The following RPSA2 variants were observed in gnomAD, a reference collection of about 807,000 sequenced individuals.
RPSA2 encodes small ribosomal subunit protein uS2B.
At chr19:23,777,614 C>T in the RPSA2 span, among the ~76,000 whole-genome samples, 1 of 7,938 alleles carries the variant, frequency 1.3e-4, no homozygotes, top group African/African-American at 1.6e-4. Flanking sequence ...GTTTTATTAC[C>T]TAGAAAGATG....
At chr19:23,795,623 G>T in the RPSA2 span, among the ~76,000 whole-genome samples, 1 of 151,892 alleles carries the variant, frequency 6.6e-6, no homozygotes, top group African/African-American at 2.4e-5. Flanking sequence ...TGCAAAAAGG[G>T]ATAGCTTGAC....
chr19:23,814,173 C>T, the RPSA2 span, among the ~76,000 whole-genome samples: 18 of 149,004 alleles, frequency 1.2e-4, no homozygotes, highest in Admixed American at 6.7e-5. Flanking sequence ...GACCATGCCA[C>T]TGCATTCCAG....
At chr19:23,839,680 T>G in the RPSA2 span, among the ~76,000 whole-genome samples, 17 of 152,342 alleles carry the variant, frequency 1.1e-4, no homozygotes, top group African/African-American at 4.1e-4. Flanking sequence ...CTTCTCCCCT[T>G]GGAGTTTTAC....
At chr19:23,765,782 AT>A in the RPSA2 span, among the ~76,000 whole-genome samples, 1 of 152,218 alleles carries the variant, frequency 6.6e-6, no homozygotes, top group Non-Finnish European at 1.5e-5. Flanking sequence ...AGTTAAAAAA[AT>A]AATTTGTTAG....
chr19:23,836,180 T>C, the RPSA2 span, among the ~76,000 whole-genome samples: 2 of 152,116 alleles, frequency 1.3e-5, no homozygotes, highest in African/African-American at 4.8e-5. Flanking sequence ...CCAAAGTCCA[T>C]TGTATTATTC....
chr19:23,826,860 AT>A, the RPSA2 span, among the ~76,000 whole-genome samples: 19 of 114,220 alleles, frequency 1.7e-4, no homozygotes, highest in East Asian at 1.1e-3. Context: ...TAATTTTTGT[AT>A]TTTTTTTTTC....
the RPSA2 span, among the ~76,000 whole-genome samples, chr19:23,858,394 C>T: frequency 6.6e-6 from 1 of 152,090 alleles, no homozygotes; most frequent in Non-Finnish European, 1.5e-5. Flanking sequence ...GTACCCAACA[C>T]ATTTGTATAG....
At chr19:23,801,938 A>G in the RPSA2 span, among the ~76,000 whole-genome samples, 2 of 152,086 alleles carry the variant, frequency 1.3e-5, no homozygotes, top group African/African-American at 4.8e-5. Flanking sequence ...CTGTGAGTAG[A>G]TTTCTCCTTT....
chr19:23,822,098 T>C, the RPSA2 span, among the ~76,000 whole-genome samples: 1 of 152,214 alleles, frequency 6.6e-6, no homozygotes, highest in Non-Finnish European at 1.5e-5. Flanking sequence ...AAAACTAAAA[T>C]GCCTCACAGA....
chr19:23,830,051 G>GTTTTTT, the RPSA2 span, among the ~76,000 whole-genome samples: 1 of 148,268 alleles, frequency 6.7e-6, no homozygotes. Flanking sequence ...ACTTTGGAAG[G>GTTTTTT]TTTTTTTTTT....
At chr19:23,863,642 A>G in the RPSA2 span, among the ~76,000 whole-genome samples, 1 of 151,558 alleles carries the variant, frequency 6.6e-6, no homozygotes, top group Non-Finnish European at 1.5e-5. Flanking sequence ...GGTGTATAGG[A>G]CTTGATTTCT....
the RPSA2 span, among the ~76,000 whole-genome samples, chr19:23,836,057 G>A: frequency 6.6e-6 from 1 of 152,114 alleles, no homozygotes; most frequent in Non-Finnish European, 1.5e-5. Flanking sequence ...AGATAAGTAA[G>A]TTCTTTAGTG....
the RPSA2 span, among the ~76,000 whole-genome samples, chr19:23,776,595 A>G: frequency 6.6e-6 from 1 of 152,178 alleles, no homozygotes; most frequent in Non-Finnish European, 1.5e-5. Flanking sequence ...CTCATCACCC[A>G]GGTGATGTGA....
the RPSA2 span, among the ~76,000 whole-genome samples, chr19:23,794,326 A>T: frequency 6.6e-6 from 1 of 152,232 alleles, no homozygotes; most frequent in Non-Finnish European, 1.5e-5. Flanking sequence ...ACAGCAGTGT[A>T]TAAGTATTCC....
the RPSA2 span, among the ~76,000 whole-genome samples, chr19:23,817,192 A>C: frequency 1.2e-4 from 18 of 151,996 alleles, no homozygotes; most frequent in Non-Finnish European, 2.2e-4. Context: ...AACCAGCCTG[A>C]CCAACATGGA....
At chr19:23,867,993 T>C in the RPSA2 span, among the ~76,000 whole-genome samples, 1 of 152,146 alleles carries the variant, frequency 6.6e-6, no homozygotes, top group Non-Finnish European at 1.5e-5. Flanking sequence ...CTTCATCTGT[T>C]GGTGAAAGAA....
chr19:23,852,339 A>G, the RPSA2 span, among the ~76,000 whole-genome samples: 7 of 28,046 alleles, frequency 2.5e-4, no homozygotes, highest in African/African-American at 8.1e-4. Flanking sequence ...CGCTAGAGGA[A>G]TTAAAGACAC....
the RPSA2 span, among the ~76,000 whole-genome samples, chr19:23,860,619 A>G: frequency 6.6e-6 from 1 of 152,178 alleles, no homozygotes; most frequent in African/African-American, 2.4e-5. Context: ...GTGATCTTCA[A>G]CAGATGAGAC....
chr19:23,860,079 T>A, the RPSA2 span, among the ~76,000 whole-genome samples: 1 of 152,194 alleles, frequency 6.6e-6, no homozygotes, highest in Non-Finnish European at 1.5e-5. Context: ...TTGTCTTTTT[T>A]CAAGCTTAAA....
Sources: allele counts gnomAD v4.1 joint callset (sites outside exome capture counted in the v4.1 genomes callset), GRCh38; gene constraint gnomAD v4.1.1; transcripts MANE v1.5; gene names NCBI Gene and HGNC (gene_info 2026-07-23, HGNC 2026-07-21).